The following IQCM variants were observed in gnomAD, a reference collection of about 807,000 sequenced individuals.
The protein encoded by IQCM is IQ motif containing M, also known as IQ domain-containing protein M.
In IQCM, 45 loss-of-function variants were observed where a neutral mutation model predicts 57.6. The observed-to-expected ratio is 0.78, with a 90% CI of 0.62 to 1.00. The LOEUF is 1.00. Ranked by LOEUF, IQCM falls within the 50% of genes least tolerant of loss-of-function variation. The pLI, the probability that IQCM is intolerant of heterozygous loss-of-function variation, is 0.00. For missense variants in IQCM, 468 were observed against 511.6 expected (o/e 0.91, Z 0.82); for synonymous variants, 148 against 158.9 (o/e 0.93, Z 0.51).
At chr4:149,677,951 C>A (rs1229267171) in intron 7 of IQCM, among the ~76,000 whole-genome samples, 1 of 151,356 alleles carries the variant, frequency 6.6e-6, no homozygotes, top group Non-Finnish European at 1.5e-5. Flanking sequence ...AATTAGTGAG[C>A]TCAAATACAG....
chr4:149,534,465 T>C (rs1201633216), intron 12 of IQCM, among the ~76,000 whole-genome samples: 1 of 152,126 alleles, frequency 6.6e-6, no homozygotes, highest in Non-Finnish European at 1.5e-5. Flanking sequence ...AGATGACAAG[T>C]GCATATGAAG....
At chr4:149,681,156 G>T (rs912520343) in intron 7 of IQCM, among the ~76,000 whole-genome samples, 2 of 151,188 alleles carry the variant, frequency 1.3e-5, no homozygotes, top group African/African-American at 4.8e-5. Flanking sequence ...CAGATTTCAA[G>T]AGTATTATTT....
chr4:149,682,022 ACT>A (rs1762216023), intron 7 of IQCM, 94 bp downstream of exon 7: 2 of 449,226 alleles, frequency 4.5e-6, no homozygotes, highest in East Asian at 3.6e-5. Flanking sequence ...AAAGGAAATA[ACT>A]CTGTTCAATA....
At chr4:149,540,096 C>T (rs1043323699) in intron 12 of IQCM, among the ~76,000 whole-genome samples, 8 of 151,682 alleles carry the variant, frequency 5.3e-5, no homozygotes, top group Non-Finnish European at 7.4e-5. Flanking sequence ...TACTTCAACA[C>T]GACAGGAGTC....
At chr4:149,735,580 A>C in intron 3 of IQCM, 122 bp from the exon 4 acceptor site, 1 of 426,154 alleles carries the variant, frequency 2.3e-6, no homozygotes, top group East Asian at 3.6e-5. Flanking sequence ...TTTGCTTTTA[A>C]GAAGAAATAT....
chr4:149,764,333 TAAGAG>T (rs1009180844), intron 2 of IQCM, among the ~76,000 whole-genome samples: 13 of 152,146 alleles, frequency 8.5e-5, no homozygotes, highest in African/African-American at 2.4e-4. Context: ...AATCACTGCA[TAAGAG>T]AAGAGACTGA....
chr4:149,659,291 C>A (rs928842551), intron 7 of IQCM, among the ~76,000 whole-genome samples: 5 of 151,614 alleles, frequency 3.3e-5, no homozygotes, highest in Admixed American at 6.6e-5. Context: ...GTGAAGGACC[C>A]CTTCAAGAAC....
At position 149,780,531 on chromosome 4, in the gene IQCM, T is replaced by TTATATATATA. The variant is rs371081838; in HGVS notation, c.-49+34770_-49+34779dup. 3.2e-3 allele frequency among the ~76,000 whole-genome samples: 441 copies of TTATATATATA among 138,238 alleles called. 1 individual carries two copies. The highest frequency in any genetic ancestry group is 8.2e-3 in the African/African-American group (326 of 39,724). 90.7% of individuals were successfully genotyped at this position (138,238 alleles called of 152,430 possible). ...ATGAAGTAACTTTAAAATATGTAAG[T>TTATATATATA]TATATATATATATATAAAACATATT... On this transcript the variant is annotated intron_variant, in intron 2 of 13. Transcript: ENST00000636793.
chr4:149,534,678 A>C (rs1452172507), intron 12 of IQCM, among the ~76,000 whole-genome samples: 1 of 152,086 alleles, frequency 6.6e-6, no homozygotes, highest in Non-Finnish European at 1.5e-5. Flanking sequence ...AACTATGCCA[A>C]AAAATTTACT....
chr4:149,702,894 T>C (rs1437382540), intron 5 of IQCM, among the ~76,000 whole-genome samples: 1 of 151,938 alleles, frequency 6.6e-6, no homozygotes, highest in East Asian at 1.9e-4. Flanking sequence ...TGACTAATTA[T>C]GCTAACATGT....
At chr4:149,692,287 G>A (rs1367934087) in intron 5 of IQCM, among the ~76,000 whole-genome samples, 1 of 152,118 alleles carries the variant, frequency 6.6e-6, no homozygotes, top group Non-Finnish European at 1.5e-5. Context: ...AGAGAATCTA[G>A]GGTTCATTTG....
At chr4:149,535,630 GA>G (rs1248202454) in intron 12 of IQCM, among the ~76,000 whole-genome samples, 3 of 151,982 alleles carry the variant, frequency 2.0e-5, no homozygotes, top group Non-Finnish European at 4.4e-5. Flanking sequence ...TCTACTTAAA[GA>G]AAACAGACAC....
chr4:149,635,720 C>T (rs1189524724), intron 7 of IQCM, among the ~76,000 whole-genome samples: 1 of 152,118 alleles, frequency 6.6e-6, no homozygotes, highest in Non-Finnish European at 1.5e-5. Context: ...AGAATTACCT[C>T]TCCAGTCCCA....
intron 12 of IQCM, among the ~76,000 whole-genome samples, chr4:149,492,466 G>A (rs2149777762): frequency 6.6e-6 from 1 of 152,160 alleles, no homozygotes; most frequent in South Asian, 2.1e-4. Context: ...GCCCTACTTG[G>A]TACTAACCTA....
intron 7 of IQCM, among the ~76,000 whole-genome samples, chr4:149,663,568 T>A (rs991174852): frequency 6.6e-6 from 1 of 151,986 alleles, no homozygotes; most frequent in Non-Finnish European, 1.5e-5. Flanking sequence ...GGTATATTAT[T>A]TCTCCTTTAT....
intron 13 of IQCM, among the ~76,000 whole-genome samples, chr4:149,409,160 G>A (rs894637511): frequency 1.3e-5 from 2 of 152,210 alleles, no homozygotes; most frequent in African/African-American, 2.4e-5. Flanking sequence ...GATCCAGTGA[G>A]TGAGAAGCCA....
chr4:149,747,014 C>T (rs1767993555), intron 2 of IQCM, among the ~76,000 whole-genome samples: 1 of 152,192 alleles, frequency 6.6e-6, no homozygotes, highest in Non-Finnish European at 1.5e-5. Flanking sequence ...AGTCACCCTT[C>T]TCTGATAAGT....
chr4:149,662,440 T>C (rs1351009194), intron 7 of IQCM, among the ~76,000 whole-genome samples: 2 of 152,072 alleles, frequency 1.3e-5, no homozygotes, highest in South Asian at 2.1e-4. Context: ...ATTTGGTCTA[T>C]AGTGCAGTTT....
At chr4:149,637,809 C>T (rs1368831808) in intron 7 of IQCM, among the ~76,000 whole-genome samples, 1 of 152,142 alleles carries the variant, frequency 6.6e-6, no homozygotes, top group African/African-American at 2.4e-5. Flanking sequence ...TCTTAAACCA[C>T]ACACACAAAT....
Sources: allele counts gnomAD v4.1 joint callset (sites outside exome capture counted in the v4.1 genomes callset), GRCh38; gene constraint gnomAD v4.1.1; transcripts MANE v1.5; gene names NCBI Gene and HGNC (gene_info 2026-07-23, HGNC 2026-07-21).